Variants in LTBP1 observed in about 807,000 individuals in gnomAD.
LTBP1 encodes the protein latent transforming growth factor beta binding protein 1.
Under a neutral mutation model 207.6 loss-of-function variants are expected in LTBP1, and 129 were observed. That is an observed-to-expected ratio of 0.62 (90% CI 0.54 to 0.72). The LOEUF (loss-of-function observed/expected upper bound fraction) is 0.72. LTBP1 is among the 30% of genes least tolerant of loss of function. The pLI, the probability that LTBP1 is intolerant of heterozygous loss-of-function variation, is 0.00. For missense variants in LTBP1, 2,281 were observed against 2,217.2 expected (o/e 1.03, Z -0.58); for synonymous variants, 963 against 833.7 (o/e 1.16, Z -2.67).
chr2:33,301,404 A>T lies in LTBP1; in HGVS notation c.3359-118A>T, dbSNP rs187752390. The T allele has an allele frequency of 2.2e-4, 265 of 1,207,974 alleles. 1 individual carries two copies. The highest frequency in any genetic ancestry group is 4.6e-5 in the Non-Finnish European group (41 of 887,808). The allele number at this position is 1,207,974 out of a possible 1,614,324, so 74.8% of individuals were successfully genotyped here. On this transcript the variant is annotated intron_variant, in intron 21 of 33. Transcript: ENST00000404816. ...AGTATTACAAAAGCGACAATACATG[A>T]TGGTCATTACTTGTATCAACATTGT...
chr2:33,257,546 C>A, intron 12 of LTBP1, 35 bp downstream of exon 12: 1 of 1,532,762 alleles, frequency 6.5e-7, no homozygotes, highest in South Asian at 1.1e-5. Flanking sequence ...CTCTAGACAT[C>A]TATCTGTGTG....
At chr2:33,287,816 G>A (rs1419231607) in intron 19 of LTBP1, among the ~76,000 whole-genome samples, 1 of 152,206 alleles carries the variant, frequency 6.6e-6, no homozygotes, top group Non-Finnish European at 1.5e-5. Context: ...ATTGACAGAG[G>A]GGGTGTGAGA....
intron 15 of LTBP1, among the ~76,000 whole-genome samples, chr2:33,267,659 A>G (rs72858089): frequency 8.5e-5 from 13 of 152,230 alleles, no homozygotes; most frequent in Non-Finnish European, 1.5e-4. Context: ...TTCTTTCAAA[A>G]TACTGCATTT....
chr2:32,965,272 C>T (rs1572854346), intron 2 of LTBP1, among the ~76,000 whole-genome samples: 1 of 152,278 alleles, frequency 6.6e-6, no homozygotes, highest in East Asian at 1.9e-4. Flanking sequence ...CCCACATACA[C>T]ACAACCTCTC....
chr2:33,228,831 C>T (rs1049184654), intron 9 of LTBP1, among the ~76,000 whole-genome samples: 1 of 151,162 alleles, frequency 6.6e-6, no homozygotes, highest in East Asian at 1.9e-4. Flanking sequence ...TCCCAAGTAG[C>T]TGGGACTACA....
At chr2:33,008,108 C>G (rs1244012313) in intron 2 of LTBP1, among the ~76,000 whole-genome samples, 1 of 152,090 alleles carries the variant, frequency 6.6e-6, no homozygotes, top group Non-Finnish European at 1.5e-5. Flanking sequence ...TTTTATAAAG[C>G]TTATTTTTTA....
At chr2:33,129,406 T>C (rs984989910) in intron 4 of LTBP1, among the ~76,000 whole-genome samples, 5 of 152,204 alleles carry the variant, frequency 3.3e-5, no homozygotes, top group East Asian at 1.9e-4. Flanking sequence ...TCAGTTCTAG[T>C]GGACCCAGAA....
chr2:32,951,512 T>C (rs568058787), intron 2 of LTBP1, among the ~76,000 whole-genome samples: 1 of 152,292 alleles, frequency 6.6e-6, no homozygotes, highest in South Asian at 2.1e-4. Flanking sequence ...CTATAAACCT[T>C]GTGTCCATGG....
chr2:33,127,323 A>G (rs956300020), intron 4 of LTBP1, among the ~76,000 whole-genome samples: 1 of 152,140 alleles, frequency 6.6e-6, no homozygotes, highest in Non-Finnish European at 1.5e-5. Context: ...GAAAATTCCC[A>G]AGCCCTCTTT....
intron 2 of LTBP1, among the ~76,000 whole-genome samples, chr2:33,010,867 G>A (rs1019983043): frequency 1.3e-5 from 2 of 151,628 alleles, no homozygotes; most frequent in East Asian, 1.9e-4. Context: ...CTACAAGTGC[G>A]TGCCACCACA....
intron 7 of LTBP1, among the ~76,000 whole-genome samples, chr2:33,207,510 A>T (rs1372050211): frequency 7.2e-6 from 1 of 139,116 alleles, no homozygotes; most frequent in African/African-American, 2.8e-5. Flanking sequence ...GACTTAAAAA[A>T]AAGAAAGAAA....
chr2:33,281,523 C>G (rs1244865253), intron 19 of LTBP1, among the ~76,000 whole-genome samples: 1 of 152,144 alleles, frequency 6.6e-6, no homozygotes, highest in Non-Finnish European at 1.5e-5. Context: ...AACTGACGGT[C>G]TTCATTCTCA....
At chr2:33,389,928 G>A (rs977365276) in intron 32 of LTBP1, among the ~76,000 whole-genome samples, 7 of 152,098 alleles carry the variant, frequency 4.6e-5, no homozygotes, top group Admixed American at 2.0e-4. Flanking sequence ...ATGAGTCACC[G>A]TGCCCTGCCT....
chr2:33,000,034 G>A (rs1172627133), intron 2 of LTBP1, among the ~76,000 whole-genome samples: 1 of 134,094 alleles, frequency 7.5e-6, no homozygotes, highest in Non-Finnish European at 1.6e-5. Flanking sequence ...GTATCAGTAG[G>A]GCTTGGGAAG....
intron 31 of LTBP1, among the ~76,000 whole-genome samples, chr2:33,368,955 C>T (rs1471361467): frequency 6.6e-6 from 1 of 152,056 alleles, no homozygotes; most frequent in Non-Finnish European, 1.5e-5. Flanking sequence ...TAAAAACCTT[C>T]AAGTATTTTG....
In LTBP1 at chr2:33,398,633, C is replaced by A; in HGVS notation, c.*88C>A. ...TATTATACTTGAGACATTGCACCTA[C>A]CCCGGAAGGCTGGAAATACAGAAAC... On this transcript the variant is annotated 3_prime_UTR_variant, in exon 34 of 34. Coordinates refer to ENST00000404816, the MANE Select transcript of LTBP1 (RefSeq NM_206943.4). The A allele has an allele frequency of 7.8e-7, 1 of 1,279,268 alleles. No homozygotes were observed. The highest frequency in any genetic ancestry group is 1.1e-6 in the Non-Finnish European group (1 of 941,370). 79.2% of individuals were successfully genotyped at this position (1,279,268 alleles called of 1,614,324 possible). A position where few individuals can be genotyped will look rare whatever the true frequency, so the allele number is the denominator to read the frequency against.
chr2:33,199,717 T>C (rs892805609), intron 7 of LTBP1, among the ~76,000 whole-genome samples: 2 of 152,194 alleles, frequency 1.3e-5, no homozygotes, highest in Non-Finnish European at 2.9e-5. Context: ...ATTGTATATC[T>C]AGAAAACCCC....
chr2:33,241,177 AGGAAGGCCCAGGCTTCCT>A (rs1303995686), intron 9 of LTBP1, among the ~76,000 whole-genome samples: 1 of 151,468 alleles, frequency 6.6e-6, no homozygotes, highest in Admixed American at 6.6e-5. Flanking sequence ...TGTGTCACAA[AGGAAGGCCCAGGCTTCCT>A]GGGTTCTTCG....
At chr2:33,297,497 T>C (rs1385502230) in intron 20 of LTBP1, among the ~76,000 whole-genome samples, 1 of 151,982 alleles carries the variant, frequency 6.6e-6, no homozygotes, top group African/African-American at 2.4e-5. Context: ...AGTGGTGCGA[T>C]CTCGGCGCAC....
Sources: gnomAD v4.1 joint callset for allele counts (sites outside exome capture counted in the v4.1 genomes callset) on GRCh38, gnomAD v4.1.1 for gene constraint, MANE v1.5 for transcripts, NCBI Gene and HGNC (gene_info 2026-07-23, HGNC 2026-07-21) for gene names.